The following NAALADL2 variants were observed in gnomAD, a reference collection of about 807,000 sequenced individuals.
NAALADL2 encodes inactive N-acetylated-alpha-linked acidic dipeptidase-like protein 2.
In NAALADL2, 76 loss-of-function variants were observed where a neutral mutation model predicts 87.2. The observed-to-expected ratio is 0.87, with a 90% CI of 0.72 to 1.05. NAALADL2 has a LOEUF of 1.05. Among genes scored for constraint, NAALADL2 ranks in the 50% least tolerant of loss-of-function variants. The pLI is 0.00. For missense variants in NAALADL2, 1,089 were observed against 945.8 expected, an observed-to-expected ratio of 1.15 and a Z score of -1.99; for synonymous variants, 354 against 331.0, an observed-to-expected ratio of 1.07 and a Z score of -0.75.
intron 1 of NAALADL2, among the ~76,000 whole-genome samples, chr3:175,073,617 T>G: frequency 6.6e-6 from 1 of 152,082 alleles, no homozygotes; most frequent in East Asian, 1.9e-4. Context: ...TATATTTTCA[T>G]TTATTCTGAA....
chr3:174,958,556 T>G (rs1579725078), intron 1 of NAALADL2, among the ~76,000 whole-genome samples: 2 of 152,092 alleles, frequency 1.3e-5, no homozygotes, highest in East Asian at 3.8e-4. Context: ...ATTCAATAAC[T>G]GATTACACGT....
intron 1 of NAALADL2, among the ~76,000 whole-genome samples, chr3:174,929,953 G>A (rs1736625828): frequency 6.6e-6 from 1 of 152,102 alleles, no homozygotes; most frequent in Non-Finnish European, 1.5e-5. Context: ...CTAGCATATA[G>A]TATGTACTCA....
At chr3:174,779,320 G>A (rs1578891115) in intron 3 of NAALADL2, among the ~76,000 whole-genome samples, 1 of 137,976 alleles carries the variant, frequency 7.2e-6, no homozygotes, top group South Asian at 2.3e-4. Context: ...ACTTTTGATG[G>A]GGTTGTTTTT....
At chr3:175,079,499 T>C (rs1717315221) in intron 1 of NAALADL2, 1 of 152,206 alleles carries the variant, frequency 6.6e-6, no homozygotes, top group South Asian at 2.1e-4. Flanking sequence ...GAGAAAGAAA[T>C]GTTGAAAAAG....
At chr3:175,384,312 T>G (rs1340566801) in intron 5 of NAALADL2, among the ~76,000 whole-genome samples, 1 of 152,078 alleles carries the variant, frequency 6.6e-6, no homozygotes, top group Non-Finnish European at 1.5e-5. Context: ...GCTGGTATCC[T>G]AAACTCTCCT....
At chr3:175,631,189 A>G (rs1727711758) in intron 11 of NAALADL2, among the ~76,000 whole-genome samples, 1 of 151,752 alleles carries the variant, frequency 6.6e-6, no homozygotes, top group East Asian at 1.9e-4. Context: ...TAATTTCTAC[A>G]TATTAGGAAG....
chr3:175,566,390 T>C (rs1157567499), intron 9 of NAALADL2, among the ~76,000 whole-genome samples: 1 of 152,204 alleles, frequency 6.6e-6, no homozygotes, highest in Non-Finnish European at 1.5e-5. Context: ...TAGACTTTTA[T>C]TTTTAATGTT....
At chr3:175,639,161 G>T (rs750383866) in intron 11 of NAALADL2, among the ~76,000 whole-genome samples, 1 of 152,058 alleles carries the variant, frequency 6.6e-6, no homozygotes, top group Non-Finnish European at 1.5e-5. Flanking sequence ...TAATGTTGCT[G>T]GGGTTGAGAG....
At chr3:175,698,648 A>C (rs1738536999) in intron 11 of NAALADL2, among the ~76,000 whole-genome samples, 1 of 151,242 alleles carries the variant, frequency 6.6e-6, no homozygotes, top group African/African-American at 2.4e-5. Flanking sequence ...TTAAGAATAG[A>C]CAAATTTAAT....
intron 5 of NAALADL2, among the ~76,000 whole-genome samples, chr3:175,391,178 A>G (rs754161205): frequency 3.0e-4 from 45 of 152,248 alleles, no homozygotes; most frequent in Non-Finnish European, 8.8e-5. Context: ...GCATGTCGAG[A>G]TTCCCTCATT....
At chr3:175,117,992 A>G (rs1339021376) in intron 2 of NAALADL2, among the ~76,000 whole-genome samples, 1 of 152,054 alleles carries the variant, frequency 6.6e-6, no homozygotes, top group Non-Finnish European at 1.5e-5. Flanking sequence ...AGAAACCATC[A>G]TTCTGAGCAA....
chr3:174,744,968 A>G (rs1056500239), intron 3 of NAALADL2, among the ~76,000 whole-genome samples: 2 of 152,180 alleles, frequency 1.3e-5, no homozygotes, highest in African/African-American at 4.8e-5. Flanking sequence ...GGAAATTTAT[A>G]GCACTAAATG....
chr3:174,443,931 T>G (rs1400444274), intron 1 of NAALADL2, among the ~76,000 whole-genome samples: 2 of 149,808 alleles, frequency 1.3e-5, no homozygotes, highest in African/African-American at 4.9e-5. Flanking sequence ...GAAGTAGACA[T>G]GAAAGCTTGT....
At chr3:175,130,551 C>T (rs1473385865) in intron 2 of NAALADL2, among the ~76,000 whole-genome samples, 1 of 152,144 alleles carries the variant, frequency 6.6e-6, no homozygotes, top group Non-Finnish European at 1.5e-5. Flanking sequence ...AATGTCAATT[C>T]TTTTGCCTAT....
chr3:174,662,577 A>G (rs1347453568), intron 2 of NAALADL2, among the ~76,000 whole-genome samples: 1 of 152,126 alleles, frequency 6.6e-6, no homozygotes, highest in Non-Finnish European at 1.5e-5. Flanking sequence ...TAACTTGATC[A>G]GAGTTAATAA....
At chr3:174,729,084 A>G (rs573330513) in intron 2 of NAALADL2, among the ~76,000 whole-genome samples, 137 of 152,096 alleles carry the variant, frequency 9.0e-4, no homozygotes, top group Middle Eastern at 6.8e-3. Flanking sequence ...AATAAAATCA[A>G]CTAACTTATT....
At chr3:175,006,959 T>C (rs1409770623) in intron 1 of NAALADL2, among the ~76,000 whole-genome samples, 2 of 151,636 alleles carry the variant, frequency 1.3e-5, no homozygotes, top group Non-Finnish European at 1.5e-5. Context: ...CACTTAATTT[T>C]GTCATTGTAA....
intron 4 of NAALADL2, among the ~76,000 whole-genome samples, chr3:175,320,709 T>C (rs1373738065): frequency 6.6e-6 from 1 of 152,136 alleles, no homozygotes; most frequent in African/African-American, 2.4e-5. Context: ...AGCAAACACC[T>C]CTACGCAAAT....
At chr3:174,830,920 G>A (rs540773459) in intron 3 of NAALADL2, among the ~76,000 whole-genome samples, 1,579 of 151,146 alleles carry the variant, frequency 0.01, 25 homozygotes, top group African/African-American at 0.037. Context: ...TCTGTTGTTG[G>A]TGTATAAGAA....
Sources: gnomAD v4.1 joint callset for allele counts (sites outside exome capture counted in the v4.1 genomes callset) on GRCh38, gnomAD v4.1.1 for gene constraint, MANE v1.5 for transcripts, NCBI Gene and HGNC (gene_info 2026-07-23, HGNC 2026-07-21) for gene names.